Variants in XPO4 observed in about 807,000 individuals in gnomAD.
XPO4 encodes exportin 4, also known as exportin-4.
Under a neutral mutation model 143.0 loss-of-function variants are expected in XPO4, and 39 were observed. The observed-to-expected ratio is 0.27, with a 90% confidence interval of 0.21 to 0.36. The LOEUF is 0.36. Ranked by LOEUF, XPO4 falls within the 10% of genes least tolerant of loss-of-function variation. XPO4 has a pLI of 1.00. For synonymous variants in XPO4, 439 were observed against 474.0 expected (o/e 0.93, Z 0.96); for missense variants, 907 against 1,348.0 (o/e 0.67, Z 5.12).
intron 7 of XPO4, among the ~76,000 whole-genome samples, chr13:20,825,126 A>G (rs2059768308): frequency 6.6e-6 from 1 of 152,200 alleles, no homozygotes. Flanking sequence ...CTCTGGTCAA[A>G]AAGGTAGGAA....
intron 13 of XPO4, among the ~76,000 whole-genome samples, chr13:20,806,290 G>A (rs2059501955): frequency 6.6e-6 from 1 of 151,998 alleles, no homozygotes; most frequent in African/African-American, 2.4e-5. Context: ...CATTTCCTTG[G>A]TTATCAGCTT....
At chr13:20,804,212 TTA>T (rs936581445) in intron 13 of XPO4, among the ~76,000 whole-genome samples, 5 of 149,768 alleles carry the variant, frequency 3.3e-5, no homozygotes, top group Admixed American at 6.7e-5. Flanking sequence ...TATACACACA[TTA>T]TATATATATA....
In XPO4 at chr13:20,796,133, T is replaced by C. The variant is rs776068689; in HGVS notation, c.2740A>G (p.Ile914Val). 24 of 1,613,684 alleles carry C rather than the reference T, an allele frequency of 1.5e-5. No individual in the cohort carries two copies. The highest frequency in any genetic ancestry group is 2.0e-5 in the Non-Finnish European group (24 of 1,179,810). ...EEEQYQDLLL[I>V]MELLTNLLSK... ...AGCAGGTTAGTAAGAAGTTCCATAA[T>C]GAGAAGCAGGTCTTGGTATTGCTCT... The change falls in exon 18 of 23, where the codon ATT (isoleucine) becomes GTT (valine). Residue 914 changes from isoleucine to valine, a missense_variant. Physicochemically the swap from Ile to Val is conservative, Grantham distance 29. Coordinates refer to ENST00000255305, the MANE Select transcript of XPO4 (RefSeq NM_022459.5).
chr13:20,786,127 G>C lies in XPO4; in HGVS notation c.3258+838C>G, dbSNP rs148089741. On this transcript the variant is annotated intron_variant, in intron 22 of 22. Transcript: ENST00000255305. Reference sequence around the variant, plus strand: ...GCAGGAAGTGGCAGCCTAGGGCAGAGAGCAAGAAATGAAGCCCCAGGGCAC... The same window carrying C: ...GCAGGAAGTGGCAGCCTAGGGCAGACAGCAAGAAATGAAGCCCCAGGGCAC... Among the ~76,000 whole-genome samples, 377 of 152,176 alleles carry C rather than the reference G, an allele frequency of 2.5e-3. 2 individuals carry two copies. Among genetic ancestry groups the C allele is most frequent in the African/African-American group, 8.7e-3 (360 of 41,514 alleles).
In XPO4 at chr13:20,868,602, T is replaced by C. The variant is rs2138134583; in HGVS notation, c.169A>G (p.Ile57Val). ...TTTTTAAGTGAATACTTACCCAAAA[T>C]ATGCTTGCAAACTGCAAATGGTGAT... The part of the protein sequence containing the change: ...SKSPFAVCKH[I>V]LETSKVDYVL... Residue 57 changes from isoleucine to valine, a missense_variant, in exon 2 of 23, where the codon ATT (isoleucine) becomes GTT (valine). Ile to Val is a conservative substitution (Grantham distance 29, BLOSUM62 3). Coordinates refer to ENST00000255305, the MANE Select transcript of XPO4 (RefSeq NM_022459.5). The C allele has an allele frequency of 6.2e-7, 1 of 1,612,228 alleles. No homozygotes were observed. Among genetic ancestry groups the C allele is most frequent in the Non-Finnish European group, 8.5e-7 (1 of 1,179,272 alleles).
At chr13:20,795,929 T>C (rs2053244144) in intron 18 of XPO4, 147 bp downstream of exon 18, 1 of 829,132 alleles carries the variant, frequency 1.2e-6, no homozygotes, top group Non-Finnish European at 1.8e-6. Context: ...CCACTGGTCC[T>C]CACCCTCACT....
intron 4 of XPO4, among the ~76,000 whole-genome samples, chr13:20,855,397 G>A (rs1472160838): frequency 6.6e-6 from 1 of 151,342 alleles, no homozygotes; most frequent in Non-Finnish European, 1.5e-5. Context: ...AGAGGTTGCG[G>A]TGAGCCAAGA....
intron 4 of XPO4, among the ~76,000 whole-genome samples, chr13:20,844,888 T>C (rs893096662): frequency 6.6e-6 from 1 of 152,226 alleles, no homozygotes; most frequent in African/African-American, 2.4e-5. Flanking sequence ...AATGTAAACA[T>C]AGGCCGGACA....
chr13:20,789,395 CT>C lies in XPO4; in HGVS notation c.2917-780del, dbSNP rs35527944. On this transcript the variant is annotated intron_variant, in intron 19 of 22. Transcript: ENST00000255305. Reference sequence around the variant, plus strand: ...CCTTCTGGACACTTCTCAGCCTCTACTTTTTTTTTTTTTTTTTGAGACAGAG... The same window carrying C: ...CCTTCTGGACACTTCTCAGCCTCTACTTTTTTTTTTTTTTTTGAGACAGAG... 3.1e-3 allele frequency among the ~76,000 whole-genome samples: 416 copies of C among 134,754 alleles called. 2 individuals carry two copies. Among genetic ancestry groups the C allele is most frequent in the African/African-American group, 7.5e-3 (269 of 35,966 alleles). 88.4% of individuals were successfully genotyped at this position (134,754 alleles called of 152,430 possible).
intron 19 of XPO4, among the ~76,000 whole-genome samples, chr13:20,790,153 G>A (rs182984079): frequency 5.9e-5 from 9 of 152,170 alleles, no homozygotes; most frequent in Admixed American, 4.6e-4. Context: ...CAAATTATGA[G>A]GTAATCAAAA....
At chr13:20,822,439 C>A in intron 7 of XPO4, 150 bp from the exon 8 acceptor site, 1 of 689,342 alleles carries the variant, frequency 1.5e-6, no homozygotes, top group Non-Finnish European at 2.3e-6. Context: ...TGAAAATTGT[C>A]CCTCAGTCCA....
intron 4 of XPO4, chr13:20,850,773 C>T (rs368235890): frequency 6.1e-6 from 6 of 984,310 alleles, no homozygotes; most frequent in East Asian, 1.1e-4. Context: ...TCTAAAACAA[C>T]AAAACAAACA....
At chr13:20,800,015 C>G (rs2059411484) in intron 15 of XPO4, 141 bp downstream of exon 15, 1 of 897,708 alleles carries the variant, frequency 1.1e-6, no homozygotes. Flanking sequence ...TTTTTAAAAC[C>G]CATTACTCCA....
intron 1 of XPO4, among the ~76,000 whole-genome samples, chr13:20,873,581 T>C (rs1236381587): frequency 6.6e-6 from 1 of 152,180 alleles, no homozygotes; most frequent in Non-Finnish European, 1.5e-5. Flanking sequence ...GTGTTACTAA[T>C]CCTTTCCTCA....
At chr13:20,807,938 A>T (rs536073052) in intron 12 of XPO4, among the ~76,000 whole-genome samples, 1 of 152,176 alleles carries the variant, frequency 6.6e-6, no homozygotes, top group Non-Finnish European at 1.5e-5. Flanking sequence ...TTTTGCTACT[A>T]TCTATATTAG....
chr13:20,824,564 C>A (rs2059760718), intron 7 of XPO4, among the ~76,000 whole-genome samples: 1 of 152,142 alleles, frequency 6.6e-6, no homozygotes, highest in South Asian at 2.1e-4. Flanking sequence ...GAAATATAAA[C>A]CACATAAAAC....
At chr13:20,897,156 A>C (rs766632758) in intron 1 of XPO4, among the ~76,000 whole-genome samples, 1 of 152,296 alleles carries the variant, frequency 6.6e-6, no homozygotes, top group Non-Finnish European at 1.5e-5. Context: ...AAAAATGCAT[A>C]CTTACTATAA....
chr13:20,836,078 T>C (rs1436815997), intron 6 of XPO4, among the ~76,000 whole-genome samples: 2 of 152,208 alleles, frequency 1.3e-5, no homozygotes, highest in Non-Finnish European at 2.9e-5. Flanking sequence ...AACAGTAAGC[T>C]ATTAGTAAAA....
rs116255701 is a variant in XPO4, at chr13:20,865,041, T to C, written c.176-2183A>G. ...CTCTCGAAGCCTACCAGTATGAAAT[T>C]AGAACTTCACAAATACATATGAGCT... On this transcript the variant is annotated intron_variant, in intron 2 of 22. Coordinates refer to ENST00000255305, the MANE Select transcript of XPO4 (RefSeq NM_022459.5). Among the ~76,000 whole-genome samples the C allele has an allele frequency of 2.4e-3, 365 of 152,264 alleles. 3 individuals are homozygous for C. Among genetic ancestry groups the C allele is most frequent in the African/African-American group, 8.4e-3 (350 of 41,542 alleles).
Sources: gnomAD v4.1 joint callset for allele counts (sites outside exome capture counted in the v4.1 genomes callset) on GRCh38, gnomAD v4.1.1 for gene constraint, MANE v1.5 for transcripts, NCBI Gene and HGNC (gene_info 2026-07-23, HGNC 2026-07-21) for gene names.